Variants in FAM72B observed in about 807,000 individuals in gnomAD.
The protein encoded by FAM72B is protein FAM72B.
FAM72B carries 4 observed loss-of-function variants against 12.6 expected under a neutral mutation model. The observed-to-expected ratio is 0.32, with a 90% confidence interval of 0.16 to 0.73. The LOEUF is 0.73. FAM72B is among the 30% of genes least tolerant of loss of function. FAM72B has a pLI of 0.67. For synonymous variants in FAM72B, 13 were observed against 53.9 expected (o/e 0.24, Z 3.32); for missense variants, 61 against 158.4 (o/e 0.39, Z 3.30).
At chr1:121,180,472 C>G (rs1407499852) in intron 2 of FAM72B, among the ~76,000 whole-genome samples, 2 of 125,390 alleles carry the variant, frequency 1.6e-5, no homozygotes, top group East Asian at 2.2e-4. Context: ...TCACTTGAAC[C>G]TGGGAGGTGG....
intron 3 of FAM72B, among the ~76,000 whole-genome samples, chr1:121,174,661 C>T (rs1654173330): frequency 6.6e-6 from 1 of 151,252 alleles, no homozygotes; most frequent in African/African-American, 2.4e-5. Flanking sequence ...GCCACCGCGC[C>T]CGGCCTCTTA....
intron 3 of FAM72B, among the ~76,000 whole-genome samples, chr1:121,174,349 A>G (rs1553316574): frequency 6.6e-6 from 1 of 151,468 alleles, no homozygotes; most frequent in Non-Finnish European, 1.5e-5. Flanking sequence ...ACACTAAACA[A>G]CAGATTTTTC....
chr1:121,170,254 G>A (rs1186547357), intron 3 of FAM72B, among the ~76,000 whole-genome samples: 1 of 134,250 alleles, frequency 7.4e-6, no homozygotes, highest in African/African-American at 2.9e-5. Flanking sequence ...TTACAGATGT[G>A]AGCCACCACA....
chr1:121,180,867 A>T (rs1364942586), intron 2 of FAM72B, among the ~76,000 whole-genome samples: 10 of 152,156 alleles, frequency 6.6e-5, no homozygotes, highest in Admixed American at 6.5e-4. Flanking sequence ...AAAAACAAAG[A>T]AAGGAGTAAT....
At position 121,168,537 on chromosome 1, in the gene FAM72B, G is replaced by A. The variant is rs1160423637; in HGVS notation, c.*204C>T. The stretch of plus-strand genomic sequence containing the variant: ...CTGGGCAGAAAAAGGTGGGGGAGAG[G>A]AAGTAGAAGTAGAGGAAAAGCACAA... On this transcript the variant is annotated 3_prime_UTR_variant, in exon 4 of 4. Coordinates refer to ENST00000369390, the MANE Select transcript of FAM72B (RefSeq NM_001100910.2). The A allele has an allele frequency of 1.1e-5, 5 of 472,512 alleles. No homozygotes were observed. In the South Asian group the frequency reaches 1.5e-4, roughly 14 times the overall value. 29.3% of individuals were successfully genotyped at this position (472,512 alleles called of 1,614,324 possible). A position where few individuals can be genotyped will look rare whatever the true frequency, so the allele number is the denominator to read the frequency against.
At chr1:121,180,650 A>G (rs1341932734) in intron 2 of FAM72B, among the ~76,000 whole-genome samples, 1 of 151,990 alleles carries the variant, frequency 6.6e-6, no homozygotes, top group Admixed American at 6.6e-5. Context: ...ACTTGAGGCC[A>G]GGAGTTTGAG....
Position 121,183,610 on chromosome 1 carries a change from A to G in FAM72B, c.-121T>C. The G allele has an allele frequency of 6.3e-7, 1 of 1,577,134 alleles. No homozygotes were observed. The highest frequency in any genetic ancestry group is 1.4e-5 in the African/African-American group (1 of 72,702). On this transcript the variant is annotated 5_prime_UTR_variant, in exon 1 of 4. Transcript: ENST00000369390. ...GGGACCTAGAGCTTTTCTAAGTCCT[A>G]ATATTGGGAAGGAAATTAGTTTTTT...
intron 2 of FAM72B, among the ~76,000 whole-genome samples, chr1:121,179,486 C>G (rs1375425783): frequency 6.6e-6 from 1 of 150,928 alleles, no homozygotes; most frequent in Non-Finnish European, 1.5e-5. Flanking sequence ...GAGTTTGAGA[C>G]CAGCCTGGCT....
intron 3 of FAM72B, among the ~76,000 whole-genome samples, chr1:121,174,928 G>A (rs868932791): frequency 5.3e-5 from 8 of 152,178 alleles, no homozygotes; most frequent in Admixed American, 1.3e-4. Flanking sequence ...GATTATAGGC[G>A]TGAACCACTG....
At position 121,168,824 on chromosome 1, in the gene FAM72B, G is replaced by A; in HGVS notation, c.367C>T (p.Leu123=). The change falls in exon 4 of 4, where the codon CTA becomes TTA. Residue 123 remains leucine (L), a synonymous_variant. Coordinates refer to ENST00000369390, the MANE Select transcript of FAM72B (RefSeq NM_001100910.2). ...NRLDSTGVNI[L]LWGNLPEIEE... is the part of the protein sequence containing the mutation. ...ATCTCTGGCAAGTTGCCCCAAAGTAGGATGTTTACACCTGAAAATAAAAAA... is the reference window on the plus strand; with the variant it reads ...ATCTCTGGCAAGTTGCCCCAAAGTAAGATGTTTACACCTGAAAATAAAAAA... 6.2e-7 allele frequency: 1 copy of A among 1,608,544 alleles called. No homozygotes were observed. The highest frequency in any genetic ancestry group is 8.5e-7 in the Non-Finnish European group (1 of 1,178,788).
chr1:121,174,586 C>T (rs1462504259), intron 3 of FAM72B, among the ~76,000 whole-genome samples: 27 of 146,814 alleles, frequency 1.8e-4, no homozygotes, highest in Non-Finnish European at 2.4e-4. Context: ...AGGCTGGTCT[C>T]GAACTCCCAA....
At chr1:121,172,542 C>T (rs1238787886) in intron 3 of FAM72B, among the ~76,000 whole-genome samples, 1 of 146,666 alleles carries the variant, frequency 6.8e-6, no homozygotes, top group Admixed American at 6.6e-5. Flanking sequence ...GTGGGCAGAT[C>T]ACCTGAGGTC....
rs1205067199 is a variant in FAM72B, at chr1:121,168,663, C to A, written c.*78G>T. 1.5e-5 allele frequency: 18 copies of A among 1,184,170 alleles called. No homozygotes were observed. Among genetic ancestry groups the A allele is most frequent in the Non-Finnish European group, 1.9e-5 (17 of 901,050 alleles). 73.4% of individuals were successfully genotyped at this position (1,184,170 alleles called of 1,614,324 possible). On this transcript the variant is annotated 3_prime_UTR_variant, in exon 4 of 4. Coordinates refer to ENST00000369390, the MANE Select transcript of FAM72B (RefSeq NM_001100910.2). ...GTTTTCCAAAAAAGATCACTGGCAACTAACAATTTTAAAGTTGATCCATTA... is the reference window on the plus strand; with the variant it reads ...GTTTTCCAAAAAAGATCACTGGCAAATAACAATTTTAAAGTTGATCCATTA...
At chr1:121,180,334 G>T (rs1654306536) in intron 2 of FAM72B, among the ~76,000 whole-genome samples, 1 of 105,262 alleles carries the variant, frequency 9.5e-6, no homozygotes, top group Non-Finnish European at 1.8e-5. Context: ...CTGAGGTTGG[G>T]AGTTCAAGAG....
At chr1:121,176,886 A>G (rs1654225708) in intron 3 of FAM72B, among the ~76,000 whole-genome samples, 1 of 151,476 alleles carries the variant, frequency 6.6e-6, no homozygotes, top group African/African-American at 2.4e-5. Flanking sequence ...GCATTAGACT[A>G]TCAAATCTAA....
chr1:121,178,668 C>A (rs1272390531), intron 2 of FAM72B, among the ~76,000 whole-genome samples: 1 of 151,440 alleles, frequency 6.6e-6, no homozygotes, highest in Non-Finnish European at 1.5e-5. Flanking sequence ...TGCTATCTTT[C>A]AGGCACTGCT....
At chr1:121,179,562 T>G (rs1191040632) in intron 2 of FAM72B, among the ~76,000 whole-genome samples, 3 of 152,094 alleles carry the variant, frequency 2.0e-5, no homozygotes, top group African/African-American at 7.2e-5. Flanking sequence ...GTGCGGTGGC[T>G]CACGCCTGTA....
rs1654391245 is a variant in FAM72B, at chr1:121,183,690, G to C, written c.-201C>G. On this transcript the variant is annotated 5_prime_UTR_variant, in exon 1 of 4. Transcript: ENST00000369390. ...GAAGTATTTATTGAGTAGGAACAGG[G>C]GAGCGTGGCAAACTTGGCTTTCCTT... is the stretch of plus-strand genomic sequence containing the variant. 1.8e-6 allele frequency: 1 copy of C among 559,166 alleles called. No homozygotes were observed. The highest frequency in any genetic ancestry group is 1.9e-5 in the African/African-American group (1 of 51,750). 34.6% of individuals were successfully genotyped at this position (559,166 alleles called of 1,614,324 possible).
intron 2 of FAM72B, among the ~76,000 whole-genome samples, chr1:121,179,421 A>G (rs1654282813): frequency 1.4e-5 from 2 of 147,068 alleles, no homozygotes; most frequent in South Asian, 4.3e-4. Context: ...GCGGTGGCTC[A>G]CACCTGTAAT....
Sources: gnomAD v4.1 joint callset for allele counts (sites outside exome capture counted in the v4.1 genomes callset) on GRCh38, gnomAD v4.1.1 for gene constraint, MANE v1.5 for transcripts, NCBI Gene and HGNC (gene_info 2026-07-23, HGNC 2026-07-21) for gene names.